Variants in RIT2 observed in about 807,000 individuals in gnomAD.
RIT2 encodes GTP-binding protein Rit2.
A neutral mutation model predicts 23.7 loss-of-function variants in RIT2; 24 were observed. The ratio of observed to expected loss-of-function variants is 1.01; its 90% confidence interval spans 0.73 to 1.43. The LOEUF is 1.43. RIT2 is among the 40% of genes most tolerant of loss of function. The pLI is 0.00. For missense variants in RIT2, 236 were observed against 266.9 expected (o/e 0.88, Z 0.81); for synonymous variants, 107 against 91.1 (o/e 1.17, Z -0.99).
intron 1 of RIT2, among the ~76,000 whole-genome samples, chr18:43,105,903 G>C (rs779908889): frequency 6.6e-6 from 1 of 152,142 alleles, no homozygotes; most frequent in Non-Finnish European, 1.5e-5. Context: ...TTCTATGGTA[G>C]GGCTTCATTC....
chr18:42,807,817 G>GTA (rs993994925), intron 4 of RIT2, among the ~76,000 whole-genome samples: 3 of 152,002 alleles, frequency 2.0e-5, no homozygotes, highest in African/African-American at 7.3e-5. Context: ...GTGTGTGTGT[G>GTA]TGTGTGTGTA....
intron 4 of RIT2, among the ~76,000 whole-genome samples, chr18:42,870,697 C>T (rs141156543): frequency 6.6e-5 from 10 of 152,020 alleles, no homozygotes; most frequent in African/African-American, 1.2e-4. Flanking sequence ...CAAGAAGCAA[C>T]GGCATGTCAC....
At chr18:42,831,753 G>C (rs1447374010) in intron 4 of RIT2, among the ~76,000 whole-genome samples, 1 of 152,108 alleles carries the variant, frequency 6.6e-6, no homozygotes, top group East Asian at 1.9e-4. Flanking sequence ...ACTTAACTAG[G>C]AAATGGATGT....
chr18:42,904,320 C>G (rs1285156486), intron 4 of RIT2, among the ~76,000 whole-genome samples: 1 of 152,080 alleles, frequency 6.6e-6, no homozygotes, highest in Non-Finnish European at 1.5e-5. Flanking sequence ...AGCAGATACA[C>G]TATGGGTAGC....
intron 4 of RIT2, among the ~76,000 whole-genome samples, chr18:42,781,410 C>G (rs1913808581): frequency 6.6e-6 from 1 of 152,102 alleles, no homozygotes; most frequent in African/African-American, 2.4e-5. Flanking sequence ...GGTGCTTTCT[C>G]TCAACTGAAA....
intron 1 of RIT2, among the ~76,000 whole-genome samples, chr18:43,071,561 A>G (rs1184037533): frequency 6.6e-6 from 1 of 152,130 alleles, no homozygotes; most frequent in Non-Finnish European, 1.5e-5. Context: ...ACCAGTACAC[A>G]TATGTGCCTT....
At chr18:42,951,598 A>AAT (rs980358582) in intron 3 of RIT2, among the ~76,000 whole-genome samples, 58 of 146,064 alleles carry the variant, frequency 4.0e-4, no homozygotes, top group African/African-American at 8.4e-4. Flanking sequence ...AAAAGAAAAA[A>AAT]ATATATATAT....
rs1346617687 is a variant in RIT2, at chr18:42,743,507, C to A, written c.640G>T (p.Glu214Ter). ...AAGCAAAGATATCATGTCATATTTT[C>A]TCTCTTCTTCTTCAAAGAACCTTTG... is the stretch of plus-strand genomic sequence containing the variant. ...KLKGSLKKKRENMT is the reference protein window; with the variant it reads ...KLKGSLKKKR The change falls in exon 5 of 5, where the codon GAA (glutamate) becomes TAA (stop). Residue 214 changes from glutamate (E) to a stop codon, truncating the protein, a stop_gained. Coordinates refer to ENST00000326695, the MANE Select transcript of RIT2 (RefSeq NM_002930.4). LOFTEE classifies it high-confidence loss of function. The A allele has an allele frequency of 3.1e-6, 5 of 1,611,698 alleles. No individual in the cohort carries two copies. The highest frequency in any genetic ancestry group is 1.7e-4 in the Middle Eastern group (1 of 6,058).
chr18:42,904,261 G>A (rs2144110379), intron 4 of RIT2, among the ~76,000 whole-genome samples: 1 of 152,204 alleles, frequency 6.6e-6, no homozygotes. Flanking sequence ...GAGAGTATTA[G>A]AATAAAATGT....
chr18:42,855,785 G>A (rs1907165006), intron 4 of RIT2, among the ~76,000 whole-genome samples: 1 of 152,090 alleles, frequency 6.6e-6, no homozygotes, highest in Admixed American at 6.5e-5. Flanking sequence ...TAGCTTTCTA[G>A]CTTGCCTCAG....
chr18:42,980,118 G>T (rs1598737033), intron 2 of RIT2, among the ~76,000 whole-genome samples: 2 of 152,098 alleles, frequency 1.3e-5, no homozygotes, highest in East Asian at 3.9e-4. Context: ...CTACCTGTTT[G>T]TTGGCTGTGA....
chr18:42,806,658 G>C (rs1905693351), intron 4 of RIT2, among the ~76,000 whole-genome samples: 1 of 152,140 alleles, frequency 6.6e-6, no homozygotes, highest in Non-Finnish European at 1.5e-5. Flanking sequence ...AAATAAGCTA[G>C]TAGCAAGTTA....
chr18:42,770,063 G>A (rs1913515528), intron 4 of RIT2, among the ~76,000 whole-genome samples: 2 of 151,838 alleles, frequency 1.3e-5, no homozygotes, highest in Non-Finnish European at 2.9e-5. Flanking sequence ...AGAAAGTGCA[G>A]TTTATGGCTG....
chr18:42,869,342 C>A (rs1392002962), intron 4 of RIT2, among the ~76,000 whole-genome samples: 1 of 152,228 alleles, frequency 6.6e-6, no homozygotes, highest in Non-Finnish European at 1.5e-5. Flanking sequence ...CTCAGGCAGT[C>A]ATGCCTGCTG....
At chr18:42,837,550 T>A (rs1906651275) in intron 4 of RIT2, among the ~76,000 whole-genome samples, 1 of 152,262 alleles carries the variant, frequency 6.6e-6, no homozygotes, top group African/African-American at 2.4e-5. Flanking sequence ...GGCACCTGTT[T>A]AGGGAACTAC....
At chr18:42,925,315 A>G (rs1909153253) in intron 3 of RIT2, among the ~76,000 whole-genome samples, 1 of 152,052 alleles carries the variant, frequency 6.6e-6, no homozygotes, top group Admixed American at 6.6e-5. Flanking sequence ...TGTCGCAATC[A>G]AAACCCCATA....
intron 2 of RIT2, among the ~76,000 whole-genome samples, chr18:43,022,076 A>G (rs1911610840): frequency 6.6e-6 from 1 of 152,178 alleles, no homozygotes; most frequent in Non-Finnish European, 1.5e-5. Context: ...CAATGGATGA[A>G]TGAATAAAGA....
At chr18:43,079,758 A>G (rs959023300) in intron 1 of RIT2, among the ~76,000 whole-genome samples, 6 of 152,216 alleles carry the variant, frequency 3.9e-5, no homozygotes, top group Non-Finnish European at 5.9e-5. Flanking sequence ...TAGAGGCTAT[A>G]ATCCTGGTTT....
intron 2 of RIT2, among the ~76,000 whole-genome samples, chr18:43,024,375 C>G (rs2039435548): frequency 6.6e-6 from 1 of 151,976 alleles, no homozygotes; most frequent in Admixed American, 6.6e-5. Context: ...TGAAACTGGA[C>G]CCCTATCTTT....
Sources: allele counts gnomAD v4.1 joint callset (sites outside exome capture counted in the v4.1 genomes callset), GRCh38; gene constraint gnomAD v4.1.1; transcripts MANE v1.5; gene names NCBI Gene and HGNC (gene_info 2026-07-23, HGNC 2026-07-21).